NTRK2: variants seen among roughly 807,000 people sequenced by gnomAD.
NTRK2 encodes neurotrophic receptor tyrosine kinase 2.
NTRK2 carries 13 observed loss-of-function variants against 94.5 expected under a neutral mutation model. The observed-to-expected ratio is 0.14, with a 90% CI of 0.09 to 0.22. The LOEUF (loss-of-function observed/expected upper bound fraction) is 0.22. NTRK2 is among the 10% of genes least tolerant of loss of function. The pLI is 1.00. For missense variants in NTRK2, 639 were observed against 1,071.2 expected, an observed-to-expected ratio of 0.60 and a Z score of 5.63; for synonymous variants, 372 against 407.4, an observed-to-expected ratio of 0.91 and a Z score of 1.05.
At chr9:84,874,642 CT>C in intron 14 of NTRK2, 1 of 1,061,826 alleles carries the variant, frequency 9.4e-7, no homozygotes, top group Non-Finnish European at 1.1e-6. Context: ...GAGAGAGCTA[CT>C]TCTTAGTTCA....
chr9:84,852,710 A>C (rs2074842378), intron 12 of NTRK2, among the ~76,000 whole-genome samples: 2 of 152,232 alleles, frequency 1.3e-5, no homozygotes, highest in Middle Eastern at 3.2e-3. Flanking sequence ...GACTCACTAA[A>C]CTGCTTTTGA....
At chr9:84,954,348 T>C (rs1823843418) in intron 16 of NTRK2, among the ~76,000 whole-genome samples, 1 of 152,202 alleles carries the variant, frequency 6.6e-6, no homozygotes, top group African/African-American at 2.4e-5. Flanking sequence ...GGCGGCATCC[T>C]AAGACGCGGA....
intron 16 of NTRK2, among the ~76,000 whole-genome samples, chr9:84,949,030 A>G (rs2078690323): frequency 2.0e-5 from 3 of 152,198 alleles, no homozygotes; most frequent in Admixed American, 1.3e-4. Flanking sequence ...CAGTCCAGTG[A>G]GAGTGAAGTT....
At chr9:84,775,939 A>ATT (rs557359704) in intron 12 of NTRK2, among the ~76,000 whole-genome samples, 1 of 152,192 alleles carries the variant, frequency 6.6e-6, no homozygotes, top group Non-Finnish European at 1.5e-5. Context: ...CACAAAAAAC[A>ATT]TTAAGGCCAG....
intron 12 of NTRK2, among the ~76,000 whole-genome samples, chr9:84,803,474 TG>T (rs1347040589): frequency 6.6e-6 from 1 of 152,096 alleles, no homozygotes; most frequent in African/African-American, 2.4e-5. Context: ...GCTGGAGCAG[TG>T]GGCTGTTAAT....
intron 12 of NTRK2, among the ~76,000 whole-genome samples, chr9:84,852,764 G>A (rs1160509672): frequency 2.0e-5 from 3 of 152,190 alleles, no homozygotes; most frequent in African/African-American, 7.2e-5. Flanking sequence ...TAGTTGGCAA[G>A]TTTCTTCTCA....
intron 17 of NTRK2, among the ~76,000 whole-genome samples, chr9:84,958,301 C>G (rs1269393883): frequency 6.6e-6 from 1 of 151,976 alleles, no homozygotes; most frequent in East Asian, 1.9e-4. Flanking sequence ...AAAATAATAG[C>G]AAAACAGTGA....
intron 14 of NTRK2, among the ~76,000 whole-genome samples, chr9:84,907,013 G>C (rs901073661): frequency 1.3e-5 from 2 of 152,104 alleles, no homozygotes; most frequent in Non-Finnish European, 2.9e-5. Flanking sequence ...ATGCTGTTGG[G>C]GAAATTTGTG....
At position 84,669,934 on chromosome 9, in the gene NTRK2, C is replaced by G. The variant is rs1468238924; in HGVS notation, c.-373+46C>G. The G allele has an allele frequency of 1.3e-5, 2 of 152,610 alleles. No individual in the cohort carries two copies. Among genetic ancestry groups the G allele is most frequent in the Non-Finnish European group, 2.9e-5 (2 of 68,220 alleles). 9.5% of individuals were successfully genotyped at this position (152,610 alleles called of 1,614,324 possible). On this transcript the variant is annotated intron_variant, in intron 1 of 18. Coordinates refer to ENST00000277120, the MANE Select transcript of NTRK2 (RefSeq NM_006180.6). The surrounding 1 kb of genome is among the most constrained non-coding windows in gnomAD (Gnocchi z 4.1). The stretch of plus-strand genomic sequence containing the variant: ...CCTCGGTCGCCTCGGCCCTCACTGT[C>G]TCCCCCTGGGGCGGCCTCGGCTACT...
At chr9:84,885,362 C>G (rs535769425) in intron 14 of NTRK2, among the ~76,000 whole-genome samples, 7 of 152,118 alleles carry the variant, frequency 4.6e-5, no homozygotes, top group African/African-American at 1.7e-4. Context: ...CCAGCTATTA[C>G]GTGTTTTTTT....
chr9:84,825,575 G>A (rs729705), intron 12 of NTRK2, among the ~76,000 whole-genome samples: 25,806 of 152,098 alleles, frequency 0.17, 2,503 homozygotes, highest in Non-Finnish European at 0.22. Context: ...GGGGTGACTA[G>A]GAGATTTAAG....
At position 84,670,431 on chromosome 9, in the gene NTRK2, G is replaced by C; in HGVS notation, c.-318G>C. On this transcript the variant is annotated 5_prime_UTR_variant, in exon 2 of 19. Transcript: ENST00000277120. ...CATCTAACAAGGAATCTGCGCCCCAGAGAGTCCCGGGAGCGCCGCCGGTCG... is the reference window on the plus strand; with the variant it reads ...CATCTAACAAGGAATCTGCGCCCCACAGAGTCCCGGGAGCGCCGCCGGTCG... 1 of 460,002 alleles carries C rather than the reference G, an allele frequency of 2.2e-6. No homozygotes were observed. Among genetic ancestry groups the C allele is most frequent in the Non-Finnish European group, 4.0e-6 (1 of 252,802 alleles). The allele number at this position is 460,002 out of a possible 1,614,324, so 28.5% of individuals were successfully genotyped here. A position where few individuals can be genotyped will look rare whatever the true frequency, so the allele number is the denominator to read the frequency against.
At chr9:84,982,019 C>T (rs1409273746) in intron 17 of NTRK2, among the ~76,000 whole-genome samples, 1 of 152,192 alleles carries the variant, frequency 6.6e-6, no homozygotes, top group Non-Finnish European at 1.5e-5. Context: ...CATAAGCATT[C>T]TGATTAATGA....
intron 14 of NTRK2, among the ~76,000 whole-genome samples, chr9:84,892,163 A>T (rs779334781): frequency 3.3e-5 from 5 of 152,206 alleles, no homozygotes; most frequent in Non-Finnish European, 5.9e-5. Context: ...TATCCAAAAG[A>T]CATTTTTCTT....
intron 17 of NTRK2, among the ~76,000 whole-genome samples, chr9:85,008,868 C>G (rs768143954): frequency 1.3e-5 from 2 of 152,232 alleles, no homozygotes; most frequent in African/African-American, 2.4e-5. Context: ...TGAATGTTTC[C>G]TTTTCCTTAG....
chr9:84,864,413 G>C (rs902059996), intron 13 of NTRK2, among the ~76,000 whole-genome samples: 1 of 152,128 alleles, frequency 6.6e-6, no homozygotes, highest in Admixed American at 6.6e-5. Flanking sequence ...GTTGCTGCTT[G>C]GGTGATGAAT....
rs146714609 is a variant in NTRK2 at position 84,685,438 on chromosome 9, T to G, written c.212+14478T>G. Among the ~76,000 whole-genome samples, 6 of 152,130 alleles carry G rather than the reference T, an allele frequency of 3.9e-5. No individual in the cohort carries two copies. The East Asian group carries it at 1.2e-3, about 29-fold the overall frequency. ...TCTTTCAGAATTTTCAGGATGATTC[T>G]AGCGTGATGATTATTCCACATGAAT... On this transcript the variant is annotated intron_variant, in intron 2 of 18. Coordinates refer to ENST00000277120, the MANE Select transcript of NTRK2 (RefSeq NM_006180.6).
At chr9:84,976,496 G>A (rs1025898671) in intron 17 of NTRK2, among the ~76,000 whole-genome samples, 1 of 152,160 alleles carries the variant, frequency 6.6e-6, no homozygotes, top group Non-Finnish European at 1.5e-5. Flanking sequence ...ATTTAGAGTC[G>A]ACACTGAATT....
chr9:84,787,972 AG>A (rs1450804429), intron 12 of NTRK2, among the ~76,000 whole-genome samples: 2 of 152,198 alleles, frequency 1.3e-5, no homozygotes, highest in African/African-American at 4.8e-5. Context: ...CACCTCTAAA[AG>A]GGCATAATCA....
Sources: allele counts gnomAD v4.1 joint callset (sites outside exome capture counted in the v4.1 genomes callset), GRCh38; gene constraint gnomAD v4.1.1; non-coding constraint Gnocchi (gnomAD v3.1); transcripts MANE v1.5; gene names NCBI Gene and HGNC (gene_info 2026-07-23, HGNC 2026-07-21).